DYNC2H1: variants seen among roughly 807,000 people sequenced by gnomAD.
The protein encoded by DYNC2H1 is cytoplasmic dynein 2 heavy chain 1.
DYNC2H1 carries 410 observed loss-of-function variants against 570.0 expected under a neutral mutation model. The ratio of observed to expected loss-of-function variants is 0.72; its 90% CI spans 0.66 to 0.78. The LOEUF (loss-of-function observed/expected upper bound fraction) is 0.78. Among genes scored for constraint, DYNC2H1 ranks in the 30% least tolerant of loss-of-function variants. The pLI, the probability that DYNC2H1 is intolerant of heterozygous loss-of-function variation, is 0.00. For missense variants in DYNC2H1, 4,865 were observed against 5,046.4 expected (o/e 0.96, Z 1.09); for synonymous variants, 1,688 against 1,677.6 (o/e 1.01, Z -0.15).
rs1056895098 is a variant in DYNC2H1, at chr11:103,205,967, G to C, written c.8454+1003G>C. ...AACTAACTTACTTTTGGATGCTTTC[G>C]AACAGAAATATTCTGACTCATTTTT... is the stretch of plus-strand genomic sequence containing the variant. On this transcript the variant is annotated intron_variant, in intron 52 of 88. Coordinates refer to ENST00000375735, the MANE Select transcript of DYNC2H1 (RefSeq NM_001377.3). The surrounding 1 kb of genome is among the most constrained non-coding windows in gnomAD (Gnocchi z 4.5). 1.3e-5 allele frequency among the ~76,000 whole-genome samples: 2 copies of C among 152,094 alleles called. No homozygotes were observed. Among genetic ancestry groups the C allele is most frequent in the Non-Finnish European group, 2.9e-5 (2 of 68,016 alleles).
chr11:103,242,591 A>C (rs1446356206), intron 63 of DYNC2H1, among the ~76,000 whole-genome samples: 1 of 152,206 alleles, frequency 6.6e-6, no homozygotes, highest in Non-Finnish European at 1.5e-5. Flanking sequence ...GATCAGTTTA[A>C]ATTTTAGTAG....
rs905474299 is a variant in DYNC2H1 at position 103,326,103 on chromosome 11, T to G, written c.12039+2113T>G. Among the ~76,000 whole-genome samples the G allele has an allele frequency of 2.6e-5, 4 of 152,138 alleles. No homozygotes were observed. Among genetic ancestry groups the G allele is most frequent in the African/African-American group, 4.8e-5 (2 of 41,426 alleles). On this transcript the variant is annotated intron_variant, in intron 82 of 88. Coordinates refer to ENST00000375735, the MANE Select transcript of DYNC2H1 (RefSeq NM_001377.3). The surrounding 1 kb of genome is among the most constrained non-coding windows in gnomAD (Gnocchi z 6.1). Reference sequence around the variant, plus strand: ...TTTCCGGCATCTATTAGCAGAATAATGTTTAGTGTTGTAGTTTGGGCTTCA... The same window carrying G: ...TTTCCGGCATCTATTAGCAGAATAAGGTTTAGTGTTGTAGTTTGGGCTTCA...
intron 82 of DYNC2H1, among the ~76,000 whole-genome samples, chr11:103,343,256 G>A (rs370531201): frequency 1.3e-5 from 2 of 152,104 alleles, no homozygotes; most frequent in African/African-American, 4.8e-5. Flanking sequence ...TCGCCCAAGC[G>A]CAACTCGACC....
At position 103,245,479 on chromosome 11, in the gene DYNC2H1, C is replaced by T. The variant is rs936124676; in HGVS notation, c.10042+105C>T. The T allele has an allele frequency of 9.0e-7, 1 of 1,113,864 alleles. No individual in the cohort carries two copies. The highest frequency in any genetic ancestry group is 1.3e-6 in the Non-Finnish European group (1 of 796,600). The allele number at this position is 1,113,864 out of a possible 1,614,324, so 69.0% of individuals were successfully genotyped here. ...AGAGTCCTCTTCCAGTGGAGTCACA[C>T]ATGATGGGCTTACTTCCTTCAGCAA... On this transcript the variant is annotated intron_variant, in intron 65 of 88. Transcript: ENST00000375735. The surrounding 1 kb of genome is among the most constrained non-coding windows in gnomAD (Gnocchi z 4.5).
Position 103,157,157 on chromosome 11 carries a change from TCTGA to T in DYNC2H1, c.4127+391_4127+394del, listed in dbSNP as rs1860874742. 6.6e-6 allele frequency among the ~76,000 whole-genome samples: 1 copy of T among 152,236 alleles called. No individual in the cohort carries two copies. Among genetic ancestry groups the T allele is most frequent in the Non-Finnish European group, 1.5e-5 (1 of 68,028 alleles). On this transcript the variant is annotated intron_variant, in intron 26 of 88. Coordinates refer to ENST00000375735, the MANE Select transcript of DYNC2H1 (RefSeq NM_001377.3). The surrounding 1 kb of genome is among the most constrained non-coding windows in gnomAD (Gnocchi z 4.2). The stretch of plus-strand genomic sequence containing the variant: ...CTGTGATTTCGTCCTCTCTTGGTTT[TCTGA>T]CTGTCTCTCTAGTTCAACACATAGT...
chr11:103,448,889 A>G (rs1303481234), intron 85 of DYNC2H1, among the ~76,000 whole-genome samples: 1 of 151,446 alleles, frequency 6.6e-6, no homozygotes, highest in East Asian at 1.9e-4. Flanking sequence ...GTATAAAACT[A>G]TAGGTATTGA....
chr11:103,117,572 T>C (rs1858476032), intron 5 of DYNC2H1, 59 bp from the exon 6 acceptor site: 1 of 1,306,482 alleles, frequency 7.7e-7, no homozygotes, highest in Non-Finnish European at 1.0e-6. Flanking sequence ...ATGTATTTTA[T>C]AATTTTTCTA....
At chr11:103,304,321 C>A (rs1867182810) in intron 76 of DYNC2H1, among the ~76,000 whole-genome samples, 1 of 152,048 alleles carries the variant, frequency 6.6e-6, no homozygotes, top group Non-Finnish European at 1.5e-5. Flanking sequence ...TACATTAGGT[C>A]AATATTCAGT....
rs1176758884 is a variant in DYNC2H1 at position 103,252,579 on chromosome 11, C to T, written c.10043-706C>T. 1.3e-5 allele frequency among the ~76,000 whole-genome samples: 2 copies of T among 152,140 alleles called. No individual in the cohort carries two copies. The highest frequency in any genetic ancestry group is 1.3e-4 in the Admixed American group (2 of 15,264). The stretch of plus-strand genomic sequence containing the variant: ...GATATCTAATAGTGGTTTTGATTTG[C>T]ATTTCCTCATGATAAGTGATGTTGA... On this transcript the variant is annotated intron_variant, in intron 65 of 88. Coordinates refer to ENST00000375735, the MANE Select transcript of DYNC2H1 (RefSeq NM_001377.3). This position sits in a 1 kb window ranked among gnomAD's most constrained non-coding sequence, Gnocchi z 4.6.
intron 85 of DYNC2H1, among the ~76,000 whole-genome samples, chr11:103,447,965 A>C (rs1944481860): frequency 6.6e-6 from 1 of 152,074 alleles, no homozygotes; most frequent in South Asian, 2.1e-4. Context: ...CTCTCTGATA[A>C]ATATTGAAAG....
chr11:103,167,123 A>T (rs773533876), intron 31 of DYNC2H1, among the ~76,000 whole-genome samples: 1 of 151,232 alleles, frequency 6.6e-6, no homozygotes. Flanking sequence ...TGATTTTCAA[A>T]GAATTTTTCA....
chr11:103,187,164 C>G (rs1862103342), intron 42 of DYNC2H1, among the ~76,000 whole-genome samples, 176 bp from the exon 43 acceptor site: 1 of 151,886 alleles, frequency 6.6e-6, no homozygotes, highest in Non-Finnish European at 1.5e-5. Flanking sequence ...TTTTTCTAGT[C>G]TAAAAGAAAG....
In DYNC2H1 at chr11:103,264,659, C is replaced by T. The variant is rs1454930534; in HGVS notation, c.10695+4682C>T. Reference sequence around the variant, plus strand: ...ATTCAACACACCTTCATGCTGAAAACTTCATAAACTAGGTATTGATGGAAC... The same window carrying T: ...ATTCAACACACCTTCATGCTGAAAATTTCATAAACTAGGTATTGATGGAAC... On this transcript the variant is annotated intron_variant, in intron 70 of 88. Coordinates refer to ENST00000375735, the MANE Select transcript of DYNC2H1 (RefSeq NM_001377.3). The surrounding 1 kb of genome is among the most constrained non-coding windows in gnomAD (Gnocchi z 4.8). 6.6e-6 allele frequency among the ~76,000 whole-genome samples: 1 copy of T among 152,212 alleles called. No individual in the cohort carries two copies. The highest frequency in any genetic ancestry group is 1.5e-5 in the Non-Finnish European group (1 of 68,036).
intron 32 of DYNC2H1, among the ~76,000 whole-genome samples, chr11:103,169,734 G>C (rs958669308): frequency 6.6e-6 from 1 of 151,992 alleles, no homozygotes; most frequent in African/African-American, 2.4e-5. Flanking sequence ...TCTGATTTGT[G>C]GATATCATAA....
chr11:103,153,111 G>A lies in DYNC2H1; in HGVS notation c.3097-192G>A, dbSNP rs1444992866. Among the ~76,000 whole-genome samples the A allele has an allele frequency of 3.3e-5, 5 of 151,834 alleles. No individual in the cohort carries two copies. In the South Asian group the frequency reaches 1.0e-3, roughly 31 times the overall value. ...TTATCTCTTGTTATTATAAATTTATGGTCTAATTTATATGTTTGAATTATT... is the reference window on the plus strand; with the variant it reads ...TTATCTCTTGTTATTATAAATTTATAGTCTAATTTATATGTTTGAATTATT... On this transcript the variant is annotated intron_variant, in intron 21 of 88. Transcript: ENST00000375735.
In DYNC2H1 at chr11:103,469,459, T is replaced by C. The variant is rs116124415; in HGVS notation, c.12765+754T>C. Among the ~76,000 whole-genome samples the C allele has an allele frequency of 5.8e-3, 885 of 152,330 alleles. 8 individuals are homozygous for C. The highest frequency in any genetic ancestry group is 0.013 in the African/African-American group (543 of 41,584). On this transcript the variant is annotated intron_variant, in intron 88 of 88. Coordinates refer to ENST00000375735, the MANE Select transcript of DYNC2H1 (RefSeq NM_001377.3). The stretch of plus-strand genomic sequence containing the variant: ...TAATGAGCAACAAAACTATTTCATA[T>C]ATTGCTCACTACAAGAAAAATGAGC...
rs1248876674 is a variant in DYNC2H1 at position 103,152,152 on chromosome 11, A to G, written c.2963A>G (p.Gln988Arg). 1 of 1,596,674 alleles carries G rather than the reference A, an allele frequency of 6.3e-7. No homozygotes were observed. Residue 988 changes from glutamine (Q) to arginine (R), a missense_variant, in exon 21 of 89, where the codon CAA (glutamine) becomes CGA (arginine). Gln to Arg is a conservative substitution (Grantham distance 43). Coordinates refer to ENST00000375735, the MANE Select transcript of DYNC2H1 (RefSeq NM_001377.3). ...AACCTTTAGATTTTGCCCTTATTTC[A>G]AGAAGCTGAAGACAAAAACAGACTT... ...ERKPEILPLF[Q>R]EAEDKNRLLR...
At chr11:103,194,370 C>T (rs926883048) in intron 47 of DYNC2H1, among the ~76,000 whole-genome samples, 5 of 152,118 alleles carry the variant, frequency 3.3e-5, no homozygotes, top group African/African-American at 7.2e-5. Flanking sequence ...AATGAAGCTG[C>T]TATGAATACT....
Position 103,299,945 on chromosome 11 carries a change from A to G in DYNC2H1, c.11096-3148A>G, listed in dbSNP as rs1037468117. 3.9e-5 allele frequency among the ~76,000 whole-genome samples: 6 copies of G among 152,018 alleles called. No homozygotes were observed. Among genetic ancestry groups the G allele is most frequent in the Admixed American group, 2.6e-4 (4 of 15,236 alleles). On this transcript the variant is annotated intron_variant, in intron 75 of 88. Transcript: ENST00000375735. This position sits in a 1 kb window ranked among gnomAD's most constrained non-coding sequence, Gnocchi z 4.5. Reference sequence around the variant, plus strand: ...AGTTTCCCATTTAATTGGTTCATATATATTGGGTTAGGTAGTGGCTGTTGA... The same window carrying G: ...AGTTTCCCATTTAATTGGTTCATATGTATTGGGTTAGGTAGTGGCTGTTGA...
Sources: gnomAD v4.1 joint callset for allele counts (sites outside exome capture counted in the v4.1 genomes callset) on GRCh38, gnomAD v4.1.1 for gene constraint, Gnocchi (gnomAD v3.1) non-coding constraint, MANE v1.5 for transcripts, NCBI Gene and HGNC (gene_info 2026-07-23, HGNC 2026-07-21) for gene names.